The following B4GALNT3 variants were observed in gnomAD, a reference collection of about 807,000 sequenced individuals.
B4GALNT3 encodes the protein beta-1,4-N-acetylgalactosaminyltransferase 3.
A neutral mutation model predicts 120.2 loss-of-function variants in B4GALNT3; 86 were observed. The ratio of observed to expected loss-of-function variants is 0.72; its 90% confidence interval spans 0.60 to 0.86. The LOEUF (loss-of-function observed/expected upper bound fraction) is 0.86. Among genes scored for constraint, B4GALNT3 ranks in the 40% least tolerant of loss-of-function variants. The pLI, the probability that B4GALNT3 is intolerant of heterozygous loss-of-function variation, is 0.00. For missense variants in B4GALNT3, 1,167 were observed against 1,298.9 expected (o/e 0.90, Z 1.56); for synonymous variants, 518 against 510.4 (o/e 1.01, Z -0.20).
chr12:519,067 A>G (rs148220464), intron 1 of B4GALNT3, among the ~76,000 whole-genome samples: 9 of 152,346 alleles, frequency 5.9e-5, no homozygotes, highest in East Asian at 3.9e-4. Context: ...CAAGAAGCCA[A>G]TTCAAAATAA....
chr12:548,219 CT>C lies in B4GALNT3; in HGVS notation c.787-11del. 6.2e-7 allele frequency: 1 copy of C among 1,613,730 alleles called. No individual in the cohort carries two copies. The highest frequency in any genetic ancestry group is 8.5e-7 in the Non-Finnish European group (1 of 1,179,570). On this transcript the variant is annotated splice_polypyrimidine_tract_variant and intron_variant, in intron 8 of 19. Transcript: ENST00000266383. This position sits in a 1 kb window ranked among gnomAD's most constrained non-coding sequence, Gnocchi z 4.9. ...CCCACCTTCTGCATCTACCCTCTCT[CT>C]CCTCTTCCAGTGGCGACGGAACGAC...
intron 1 of B4GALNT3, among the ~76,000 whole-genome samples, chr12:518,564 G>A (rs188424230): frequency 3.2e-4 from 49 of 152,028 alleles, no homozygotes; most frequent in East Asian, 5.8e-4. Flanking sequence ...CACCATGCCC[G>A]GCTAATTGTT....
At chr12:521,206 T>A (rs1296717858) in intron 1 of B4GALNT3, among the ~76,000 whole-genome samples, 1 of 152,140 alleles carries the variant, frequency 6.6e-6, no homozygotes, top group East Asian at 1.9e-4. Flanking sequence ...CCAGCAGGAC[T>A]CTCGTCATCA....
At position 481,424 on chromosome 12, in the gene B4GALNT3, G is replaced by T. The variant is rs115526755; in HGVS notation, c.169+20879G>T. 4.6e-3 allele frequency among the ~76,000 whole-genome samples: 707 copies of T among 152,332 alleles called. 9 individuals carry two copies. The highest frequency in any genetic ancestry group is 0.016 in the African/African-American group (682 of 41,566). The stretch of plus-strand genomic sequence containing the variant: ...TGGGTGCAGACATGGAGGAAAACCA[G>T]AAGCAAATCAGGAGTCCAGCTGCCC... On this transcript the variant is annotated intron_variant, in intron 1 of 19. Coordinates refer to ENST00000266383, the MANE Select transcript of B4GALNT3 (RefSeq NM_173593.4).
At chr12:466,690 T>A (rs1218381484) in intron 1 of B4GALNT3, among the ~76,000 whole-genome samples, 2 of 152,226 alleles carry the variant, frequency 1.3e-5, no homozygotes, top group Non-Finnish European at 2.9e-5. Flanking sequence ...TAACAAGTGC[T>A]ACTTTGAATT....
At chr12:470,735 CTGTT>C (rs1227809009) in intron 1 of B4GALNT3, among the ~76,000 whole-genome samples, 9 of 152,016 alleles carry the variant, frequency 5.9e-5, no homozygotes, top group African/African-American at 9.7e-5. Context: ...ATTTTAGTGA[CTGTT>C]TTGTTTTGTT....
In B4GALNT3 at chr12:516,594, G is replaced by T. The variant is rs368323533; in HGVS notation, c.170-18572G>T. On this transcript the variant is annotated intron_variant, in intron 1 of 19. Transcript: ENST00000266383. ...TGTTTAAATTGGAATATTTTTGAGA[G>T]TGAAAGCAGGTACCATTAATAATTG... 7.9e-4 allele frequency among the ~76,000 whole-genome samples: 120 copies of T among 152,332 alleles called. 1 individual carries two copies. The South Asian group carries it at 0.024, about 31-fold the overall frequency.
chr12:504,437 C>T (rs1592027238), intron 1 of B4GALNT3, among the ~76,000 whole-genome samples: 1 of 150,242 alleles, frequency 6.7e-6, no homozygotes, highest in Non-Finnish European at 1.5e-5. Context: ...CTCCTCTCTC[C>T]ACCCCGCAGC....
chr12:474,174 G>T (rs766612364), intron 1 of B4GALNT3, among the ~76,000 whole-genome samples: 26 of 152,196 alleles, frequency 1.7e-4, no homozygotes, highest in Non-Finnish European at 3.4e-4. Flanking sequence ...CTCAGACTTG[G>T]AGTTTTCTAC....
At chr12:466,915 C>T (rs1363225852) in intron 1 of B4GALNT3, among the ~76,000 whole-genome samples, 1 of 151,936 alleles carries the variant, frequency 6.6e-6, no homozygotes, top group East Asian at 1.9e-4. Flanking sequence ...GCAGTTTTCA[C>T]AAACTGAAAA....
rs1056298250 is a variant in B4GALNT3 at position 561,860 on chromosome 12, G to T, written c.*409G>T. ...TCTAGTGGACATATTTTATTGGGGG[G>T]CGGGGATTTTAAAAACAGAAAACCG... On this transcript the variant is annotated 3_prime_UTR_variant, in exon 20 of 20. Transcript: ENST00000266383. The T allele has an allele frequency of 6.2e-6, 1 of 162,600 alleles. No homozygotes were observed. Among genetic ancestry groups the T allele is most frequent in the South Asian group, 1.5e-4 (1 of 6,590 alleles). The allele number at this position is 162,600 out of a possible 1,614,324, so 10.1% of individuals were successfully genotyped here. A position where few individuals can be genotyped will look rare whatever the true frequency, so the allele number is the denominator to read the frequency against.
intron 1 of B4GALNT3, among the ~76,000 whole-genome samples, chr12:486,637 A>G (rs1458887739): frequency 6.6e-6 from 1 of 152,174 alleles, no homozygotes; most frequent in Non-Finnish European, 1.5e-5. Flanking sequence ...TCCCATCTAG[A>G]GTGGGGAGAA....
intron 1 of B4GALNT3, among the ~76,000 whole-genome samples, chr12:504,944 G>A (rs983695518): frequency 6.6e-6 from 1 of 151,296 alleles, no homozygotes; most frequent in Admixed American, 6.6e-5. Context: ...AGGATGGAGT[G>A]CAGTGGCGCG....
Position 556,580 on chromosome 12 carries a change from A to G in B4GALNT3, c.2094A>G (p.Glu698=). The part of the protein sequence containing the change: ...RYQLQRIVNV[E]KRQDQLRGGR... ...AGCTACAGCGCATTGTGAACGTGGAAAAGCGTCAGGACCAGCTACGTGGGG... is the reference window on the plus strand; with the variant it reads ...AGCTACAGCGCATTGTGAACGTGGAGAAGCGTCAGGACCAGCTACGTGGGG... The change falls in exon 15 of 20, where the codon GAA becomes GAG. Residue 698 remains glutamate, a synonymous_variant. Coordinates refer to ENST00000266383, the MANE Select transcript of B4GALNT3 (RefSeq NM_173593.4). 2 of 1,613,858 alleles carry G rather than the reference A, an allele frequency of 1.2e-6. No individual in the cohort carries two copies. Among genetic ancestry groups the G allele is most frequent in the Non-Finnish European group, 1.7e-6 (2 of 1,179,890 alleles).
At chr12:536,150 C>T in intron 2 of B4GALNT3, 68 bp from the exon 3 acceptor site, 1 of 1,349,374 alleles carries the variant, frequency 7.4e-7, no homozygotes. Context: ...AGGCACTGTG[C>T]CTCCTGTCCT....
At chr12:543,104 C>T (rs1476665482) in intron 3 of B4GALNT3, 27 of 1,289,064 alleles carry the variant, frequency 2.1e-5, no homozygotes, top group Non-Finnish European at 2.6e-5. Flanking sequence ...ACACCAGCCC[C>T]CTTCCTGCAT....
At chr12:559,551 C>T (rs1197950774) in intron 19 of B4GALNT3, 130 bp downstream of exon 19, 1 of 1,329,074 alleles carries the variant, frequency 7.5e-7, no homozygotes, top group Non-Finnish European at 1.0e-6. Flanking sequence ...GAGCACTGGA[C>T]TCGGAGGACG....
At position 553,775 on chromosome 12, in the gene B4GALNT3, ATGAGTGAGGTGTTCGAGTACGTACCTG is replaced by A. The variant is rs1292894637; in HGVS notation, c.1855_1881del (p.Ser619_Val627del). 2 of 1,614,180 alleles carry A rather than the reference ATGAGTGAGGTGTTCGAGTACGTACCTG, an allele frequency of 1.2e-6. No homozygotes were observed. The highest frequency in any genetic ancestry group is 4.5e-5 in the East Asian group (2 of 44,882). On this transcript the variant is annotated inframe_deletion, in exon 14 of 20. Transcript: ENST00000266383. ...GGAAGAAGAGGAGGAGGAAGAGGAT[ATGAGTGAGGTGTTCGAGTACGTACCTG>A]TGTTTGACCCGGTAGTAAACTGGGA...
intron 11 of B4GALNT3, 95 bp from the exon 12 acceptor site, chr12:551,968 T>C (rs1435221498): frequency 1.0e-6 from 1 of 967,140 alleles, no homozygotes. Flanking sequence ...AGCAGCCCTA[T>C]GTGATCCCAG....
Sources: allele counts gnomAD v4.1 joint callset (sites outside exome capture counted in the v4.1 genomes callset), GRCh38; gene constraint gnomAD v4.1.1; non-coding constraint Gnocchi (gnomAD v3.1); transcripts MANE v1.5; gene names NCBI Gene and HGNC (gene_info 2026-07-23, HGNC 2026-07-21).